TRIP11: variants seen among roughly 807,000 people sequenced by gnomAD.
TRIP11 encodes the protein thyroid hormone receptor interactor 11.
Under a neutral mutation model 223.1 loss-of-function variants are expected in TRIP11, and 148 were observed. The observed-to-expected ratio is 0.66, with a 90% CI of 0.58 to 0.76. The LOEUF (loss-of-function observed/expected upper bound fraction) is 0.76, where lower values mean the gene tolerates loss of function less well. TRIP11 is among the 30% of genes least tolerant of loss of function. The pLI, the probability that TRIP11 is intolerant of heterozygous loss-of-function variation, is 0.00. For synonymous variants in TRIP11, 762 were observed against 772.6 expected (o/e 0.99, Z 0.23); for missense variants, 2,043 against 2,222.0 (o/e 0.92, Z 1.62).
chr14:91,996,166 T>C (rs1304471098), intron 13 of TRIP11, among the ~76,000 whole-genome samples: 1 of 152,184 alleles, frequency 6.6e-6, no homozygotes, highest in Non-Finnish European at 1.5e-5. Flanking sequence ...CCCTTTCCCT[T>C]GAAAACTACC....
At chr14:92,019,248 A>G (rs761231734) in intron 4 of TRIP11, among the ~76,000 whole-genome samples, 12 of 152,128 alleles carry the variant, frequency 7.9e-5, no homozygotes, top group African/African-American at 2.9e-4. Context: ...TCTCTTCCCT[A>G]TGAAATCTTA....
At position 91,968,460 on chromosome 14, in the gene TRIP11, C is replaced by T. The variant is rs572224478; in HGVS notation, c.*1213G>A. The T allele has an allele frequency of 1.4e-5, 3 of 212,438 alleles. No individual in the cohort carries two copies. The highest frequency in any genetic ancestry group is 5.9e-5 in the Admixed American group (1 of 16,960). 13.2% of individuals were successfully genotyped at this position (212,438 alleles called of 1,614,324 possible). A position where few individuals can be genotyped will look rare whatever the true frequency, so the allele number is the denominator to read the frequency against. The stretch of plus-strand genomic sequence containing the variant: ...GGCCACCGTGATAACAGTTGACTCT[C>T]GGATTGCTGTACCTCATATGTCAAC... On this transcript the variant is annotated 3_prime_UTR_variant, in exon 21 of 21. Coordinates refer to ENST00000267622, the MANE Select transcript of TRIP11 (RefSeq NM_004239.4).
At position 91,966,405 on chromosome 14, in the gene TRIP11, A is replaced by G. The variant is rs11846315; in HGVS notation, c.*3268T>C. The G allele has an allele frequency of 0.032, 6,004 of 186,976 alleles. 321 individuals carry two copies. The highest frequency in any genetic ancestry group is 0.12 in the African/African-American group (5,131 of 42,854). 11.6% of individuals were successfully genotyped at this position (186,976 alleles called of 1,614,324 possible). On this transcript the variant is annotated 3_prime_UTR_variant, in exon 21 of 21. Coordinates refer to ENST00000267622, the MANE Select transcript of TRIP11 (RefSeq NM_004239.4). ...GGATGGAAGATGTCTTGAATACTTCAATATGTGGAAAACTTCATTATCTTT... is the reference window on the plus strand; with the variant it reads ...GGATGGAAGATGTCTTGAATACTTCGATATGTGGAAAACTTCATTATCTTT...
At chr14:92,010,479 G>A (rs967212525) in intron 9 of TRIP11, among the ~76,000 whole-genome samples, 1 of 151,814 alleles carries the variant, frequency 6.6e-6, no homozygotes, top group Non-Finnish European at 1.5e-5. Context: ...GCGGTGACCC[G>A]AGATTGCGCC....
intron 10 of TRIP11, 79 bp from the exon 11 acceptor site, chr14:92,006,527 C>T (rs1020360311): frequency 1.5e-5 from 22 of 1,424,006 alleles, no homozygotes; most frequent in Middle Eastern, 4.9e-4. Context: ...AAATCTCATA[C>T]ATAATAGAAA....
intron 4 of TRIP11, 100 bp from the exon 5 acceptor site, chr14:92,017,850 G>T: frequency 9.4e-7 from 1 of 1,065,202 alleles, no homozygotes; most frequent in South Asian, 1.4e-5. Flanking sequence ...TGTAAAAAGG[G>T]GGATTTTCAC....
rs747515991 is a variant in TRIP11 at position 92,004,139 on chromosome 14, G to C, written c.3837C>G (p.Thr1279=). ...GLIQSYEQNE[T]KLKNFGQELA... ...ATTCCTGCCCAAAATTTTTGAGTTT[G>C]GTTTCATTCTGCTCATAACTTTGGA... The change falls in exon 11 of 21, where the codon ACC becomes ACG. Residue 1279 remains threonine (T), a synonymous_variant. Transcript: ENST00000267622. The C allele has an allele frequency of 5.6e-6, 9 of 1,614,148 alleles. No individual in the cohort carries two copies. In the South Asian group the frequency reaches 8.8e-5, roughly 16 times the overall value.
chr14:91,967,938 T>C lies in TRIP11; in HGVS notation c.*1735A>G, dbSNP rs941682510. ...TCTAATATAGAACTTGCATGACAAC[T>C]TCCTTTAAAGTATAGTAAATAAAGA... On this transcript the variant is annotated 3_prime_UTR_variant, in exon 21 of 21. Coordinates refer to ENST00000267622, the MANE Select transcript of TRIP11 (RefSeq NM_004239.4). 1.9e-4 allele frequency: 38 copies of C among 201,120 alleles called. No individual in the cohort carries two copies. The highest frequency in any genetic ancestry group is 8.0e-4 in the African/African-American group (35 of 43,600). The allele number at this position is 201,120 out of a possible 1,614,324, so 12.5% of individuals were successfully genotyped here. A position where few individuals can be genotyped will look rare whatever the true frequency, so the allele number is the denominator to read the frequency against.
intron 17 of TRIP11, 107 bp from the exon 18 acceptor site, chr14:91,975,393 T>TA: frequency 5.0e-6 from 3 of 603,826 alleles, no homozygotes; most frequent in Admixed American, 3.1e-5. Context: ...TATTTACTTA[T>TA]AAAAAAGTCT....
At position 91,974,564 on chromosome 14, in the gene TRIP11, A is replaced by C. The variant is rs995667448; in HGVS notation, c.5574+63T>G. 10 of 1,290,006 alleles carry C rather than the reference A, an allele frequency of 7.8e-6. No homozygotes were observed. In the Admixed American group the frequency reaches 1.4e-4, roughly 18 times the overall value. The allele number at this position is 1,290,006 out of a possible 1,614,324, so 79.9% of individuals were successfully genotyped here. On this transcript the variant is annotated intron_variant, in intron 19 of 20. Transcript: ENST00000267622. ...TTTAAAAAAAAATCTGATTCTTTGC[A>C]AATGAATGTAATATACAGTCATTTT...
Position 92,039,715 on chromosome 14 carries a change from G to A in TRIP11, c.-30C>T, listed in dbSNP as rs756578141. 2.5e-6 allele frequency: 4 copies of A among 1,603,124 alleles called. No homozygotes were observed. Among genetic ancestry groups the A allele is most frequent in the Non-Finnish European group, 3.4e-6 (4 of 1,174,856 alleles). On this transcript the variant is annotated 5_prime_UTR_variant, in exon 1 of 21. Coordinates refer to ENST00000267622, the MANE Select transcript of TRIP11 (RefSeq NM_004239.4). ...GCGAGTTTAGAGAACGACCCGGTCC[G>A]CTCGGAAAAAAGAAAACGTTTAGCG...
intron 2 of TRIP11, among the ~76,000 whole-genome samples, chr14:92,025,871 T>C: frequency 7.5e-6 from 1 of 134,154 alleles, no homozygotes. Flanking sequence ...AGAGCGAGAC[T>C]CCGTCTCAAA....
At position 92,005,155 on chromosome 14, in the gene TRIP11, C is replaced by T. The variant is rs1444657577; in HGVS notation, c.2821G>A (p.Asp941Asn). ...TGCTCATGCTGGTATCTAAACTCAT[C>T]CATTTCCTTCTTTTGCTCTTGTAAA... Reference protein sequence around the residue: ...QSLQEQKKEMDEFRYQHEQMN... With the variant: ...QSLQEQKKEMNEFRYQHEQMN... The change falls in exon 11 of 21, where the codon GAT becomes AAT. Residue 941 changes from aspartate to asparagine, a missense_variant. Transcript: ENST00000267622. The T allele has an allele frequency of 1.8e-5, 29 of 1,613,562 alleles. No homozygotes were observed. The highest frequency in any genetic ancestry group is 2.4e-5 in the Non-Finnish European group (28 of 1,180,028).
chr14:91,988,356 A>G lies in TRIP11; in HGVS notation c.5188T>C (p.Leu1730=), dbSNP rs751436632. 1.7e-5 allele frequency: 27 copies of G among 1,613,802 alleles called. No individual in the cohort carries two copies. In the Admixed American group the frequency reaches 3.2e-4, roughly 19 times the overall value. Residue 1730 remains leucine, a synonymous_variant, in exon 16 of 21, where the codon TTG becomes CTG. Coordinates refer to ENST00000267622, the MANE Select transcript of TRIP11 (RefSeq NM_004239.4). ...TCTGTAAGTCTTGATGCTGAATCCAATGCAGCATTTGCTTCATCCAAACAT... is the reference window on the plus strand; with the variant it reads ...TCTGTAAGTCTTGATGCTGAATCCAGTGCAGCATTTGCTTCATCCAAACAT... The part of the protein sequence containing the change: ...QECLDEANAA[L]DSASRLTEQL...
rs768341546 is a variant in TRIP11, at chr14:91,975,188, C to A, written c.5441G>T (p.Arg1814Met). 3 of 1,613,520 alleles carry A rather than the reference C, an allele frequency of 1.9e-6. No homozygotes were observed. In the African/African-American group the frequency reaches 4.0e-5, roughly 22 times the overall value. Residue 1814 changes from arginine to methionine, a missense_variant, in exon 18 of 21, where the codon AGG becomes ATG. Arg to Met is a moderately conservative substitution (Grantham distance 91). Transcript: ENST00000267622. Reference sequence around the variant, plus strand: ...TCCAGTCACCTGCTCCATCTCCTCCCTTCTGACGCCCAGGATGCTCCCCAT... The same window carrying A: ...TCCAGTCACCTGCTCCATCTCCTCCATTCTGACGCCCAGGATGCTCCCCAT... ...RLMGSILGVR[R>M]EEMEQLFHDD...
intron 7 of TRIP11, among the ~76,000 whole-genome samples, chr14:92,013,095 T>G (rs539882158): frequency 2.6e-5 from 4 of 152,054 alleles, no homozygotes; most frequent in African/African-American, 9.7e-5. Flanking sequence ...GGTGAAACCC[T>G]GTCTCTACTA....
intron 3 of TRIP11, among the ~76,000 whole-genome samples, chr14:92,022,251 T>C (rs1276093169): frequency 6.6e-6 from 1 of 152,222 alleles, no homozygotes. Context: ...TACAAGGGTG[T>C]TGTGTAACTG....
At position 92,007,862 on chromosome 14, in the gene TRIP11, T is replaced by A. The variant is rs1231890666; in HGVS notation, c.1315-10A>T. On this transcript the variant is annotated splice_polypyrimidine_tract_variant and intron_variant, in intron 9 of 20. Transcript: ENST00000267622. ...ACATCTGAAGTTCTTCCTGAAATGA[T>A]AAAAGGAAAAAAGCAACACATACTT... 6.3e-7 allele frequency: 1 copy of A among 1,593,968 alleles called. No individual in the cohort carries two copies. Among genetic ancestry groups the A allele is most frequent in the Non-Finnish European group, 8.6e-7 (1 of 1,168,924 alleles).
intron 11 of TRIP11, among the ~76,000 whole-genome samples, chr14:92,000,861 T>A (rs1324117712): frequency 4.0e-5 from 6 of 149,358 alleles, no homozygotes; most frequent in Admixed American, 3.4e-4. Flanking sequence ...TTTCTTTTTT[T>A]TTCTTTTTTT....
Sources: allele counts gnomAD v4.1 joint callset (sites outside exome capture counted in the v4.1 genomes callset), GRCh38; gene constraint gnomAD v4.1.1; transcripts MANE v1.5; gene names NCBI Gene and HGNC (gene_info 2026-07-23, HGNC 2026-07-21).